NPEPPS: variants seen among roughly 807,000 people sequenced by gnomAD.
The protein encoded by NPEPPS is puromycin-sensitive aminopeptidase.
A neutral mutation model predicts 115.5 loss-of-function variants in NPEPPS; 14 were observed. The observed-to-expected ratio is 0.12, with a 90% CI of 0.08 to 0.19. NPEPPS has a LOEUF of 0.19. NPEPPS is among the 10% of genes least tolerant of loss of function. NPEPPS has a pLI of 1.00. For missense variants in NPEPPS, 523 were observed against 1,110.8 expected (o/e 0.47, Z 7.52); for synonymous variants, 285 against 390.6 (o/e 0.73, Z 3.19).
chr17:47,607,346 G>C (rs1244755455), intron 17 of NPEPPS, among the ~76,000 whole-genome samples: 1 of 152,182 alleles, frequency 6.6e-6, no homozygotes, highest in African/African-American at 2.4e-5. Flanking sequence ...AAGTGGTTGA[G>C]ACAGAGGAAA....
chr17:47,618,161 G>T (rs530547288), intron 19 of NPEPPS, among the ~76,000 whole-genome samples, 189 bp from the exon 20 acceptor site: 7 of 152,184 alleles, frequency 4.6e-5, no homozygotes, highest in Non-Finnish European at 8.8e-5. Context: ...GATTACAGGT[G>T]TGAACCACCG....
At chr17:47,594,141 A>G (rs1033483756) in intron 12 of NPEPPS, among the ~76,000 whole-genome samples, 2 of 152,112 alleles carry the variant, frequency 1.3e-5, no homozygotes, top group African/African-American at 2.4e-5. Context: ...GGCAACAGCG[A>G]AACGCGGTCT....
chr17:47,556,290 G>A (rs1289965224), intron 2 of NPEPPS, among the ~76,000 whole-genome samples: 1 of 151,146 alleles, frequency 6.6e-6, no homozygotes, highest in African/African-American at 2.4e-5. Context: ...GACTCTTAAC[G>A]AGCATGCTAC....
At chr17:47,535,456 CAGG>C (rs1445341919) in intron 1 of NPEPPS, among the ~76,000 whole-genome samples, 1 of 146,930 alleles carries the variant, frequency 6.8e-6, no homozygotes, top group Non-Finnish European at 1.5e-5. Context: ...GAGGCTGAGG[CAGG>C]AGAATGGTGT....
In NPEPPS at chr17:47,621,950, C is replaced by T. The variant is rs764761486; in HGVS notation, c.*30C>T. ...TGAGGTGCCGCCATTGGCGGTTCTG[C>T]TGCTTCGCTGCAGGGATAAGGTGGA... On this transcript the variant is annotated 3_prime_UTR_variant, in exon 23 of 23. Transcript: ENST00000322157. The T allele has an allele frequency of 1.3e-6, 2 of 1,582,608 alleles. No homozygotes were observed. The highest frequency in any genetic ancestry group is 2.3e-5 in the South Asian group (2 of 88,308).
intron 17 of NPEPPS, among the ~76,000 whole-genome samples, chr17:47,610,584 A>C (rs1290277434): frequency 6.6e-6 from 1 of 151,804 alleles, no homozygotes; most frequent in Admixed American, 6.6e-5. Flanking sequence ...GGGTTTCACC[A>C]TGTTGGCCAG....
upstream of NPEPPS, among the ~76,000 whole-genome samples, chr17:47,530,532 A>G (rs370506237): frequency 1.1e-4 from 16 of 149,834 alleles, no homozygotes; most frequent in South Asian, 1.1e-3. Context: ...AATTTTTTGT[A>G]CTTTTAGTAG....
At chr17:47,535,549 CAAA>C (rs1002859470) in intron 1 of NPEPPS, among the ~76,000 whole-genome samples, 18 of 88,916 alleles carry the variant, frequency 2.0e-4, no homozygotes, top group African/African-American at 4.0e-4. Flanking sequence ...GGCTCCGTCT[CAAA>C]AAAAAAAAAA....
Position 47,580,389 on chromosome 17 carries a change from G to A in NPEPPS, c.540+878G>A, listed in dbSNP as rs572599239. 6 of 152,246 alleles carry A rather than the reference G, an allele frequency of 3.9e-5. No homozygotes were observed. In the East Asian group the frequency reaches 1.2e-3, roughly 29 times the overall value. 9.4% of individuals were successfully genotyped at this position (152,246 alleles called of 1,614,324 possible). A position where few individuals can be genotyped will look rare whatever the true frequency, so the allele number is the denominator to read the frequency against. On this transcript the variant is annotated intron_variant, in intron 4 of 22. Coordinates refer to ENST00000322157, the MANE Select transcript of NPEPPS (RefSeq NM_006310.4). ...CTTCATCCTGGAATGGTTGGCTGATGTATGTCTCTAAACAATTTTTTTTTA... is the reference window on the plus strand; with the variant it reads ...CTTCATCCTGGAATGGTTGGCTGATATATGTCTCTAAACAATTTTTTTTTA...
At chr17:47,596,949 TAGGC>T (rs1467283524) in intron 13 of NPEPPS, among the ~76,000 whole-genome samples, 3 of 151,512 alleles carry the variant, frequency 2.0e-5, no homozygotes, top group Non-Finnish European at 4.4e-5. Flanking sequence ...TCTGGAGACT[TAGGC>T]AGGAGAATTG....
At chr17:47,608,838 G>C (rs1467209474) in intron 17 of NPEPPS, among the ~76,000 whole-genome samples, 1 of 152,216 alleles carries the variant, frequency 6.6e-6, no homozygotes, top group African/African-American at 2.4e-5. Context: ...GTGATCAGCT[G>C]TGTCAGATGC....
At chr17:47,613,778 C>G in intron 19 of NPEPPS, 53 bp downstream of exon 19, 1 of 1,286,108 alleles carries the variant, frequency 7.8e-7, no homozygotes, top group South Asian at 1.2e-5. Context: ...TGGATAGACA[C>G]ACAGTAAACC....
chr17:47,543,891 GTTTATTTATTTATTTA>G (rs149949702), intron 1 of NPEPPS, among the ~76,000 whole-genome samples: 1 of 141,058 alleles, frequency 7.1e-6, no homozygotes, highest in East Asian at 2.0e-4. Context: ...TTGTTTGTTT[GTTTATTTATTTATTTA>G]TTTTTGAGAC....
intron 1 of NPEPPS, among the ~76,000 whole-genome samples, chr17:47,536,514 C>T (rs2143671945): frequency 6.7e-6 from 1 of 149,802 alleles, no homozygotes. Flanking sequence ...CTGCCTTAGC[C>T]TCCCAAATAG....
chr17:47,565,394 A>G (rs924847527), intron 2 of NPEPPS, among the ~76,000 whole-genome samples: 27 of 151,062 alleles, frequency 1.8e-4, no homozygotes, highest in African/African-American at 5.8e-4. Context: ...CTGTAGTCCC[A>G]GCTACTCGGG....
chr17:47,532,301 G>T (rs943300093), intron 1 of NPEPPS, among the ~76,000 whole-genome samples: 10 of 152,012 alleles, frequency 6.6e-5, no homozygotes, highest in Non-Finnish European at 1.2e-4. Flanking sequence ...TCCTAGCTTT[G>T]CGGCCTTCGA....
Position 47,538,202 on chromosome 17 carries a change from C to CTTTTT in NPEPPS, c.255+6666_255+6670dup, listed in dbSNP as rs543559258. On this transcript the variant is annotated intron_variant, in intron 1 of 22. Coordinates refer to ENST00000322157, the MANE Select transcript of NPEPPS (RefSeq NM_006310.4). ...GCCACCGCGCCTAGCCATATCTGTTCTTTTTTTTTTTTTTTTTTTTTTTGA... is the reference window on the plus strand; with the variant it reads ...GCCACCGCGCCTAGCCATATCTGTTCTTTTTTTTTTTTTTTTTTTTTTTTTTTTGA... Among the ~76,000 whole-genome samples, 233 of 58,440 alleles carry CTTTTT rather than the reference C, an allele frequency of 4.0e-3. 9 individuals carry two copies. Among genetic ancestry groups the CTTTTT allele is most frequent in the East Asian group, 7.1e-3 (11 of 1,554 alleles). The allele number at this position is 58,440 out of a possible 152,430, so 38.3% of individuals were successfully genotyped here.
chr17:47,576,154 T>C, intron 3 of NPEPPS, among the ~76,000 whole-genome samples: 1 of 152,122 alleles, frequency 6.6e-6, no homozygotes, highest in Non-Finnish European at 1.5e-5. Context: ...ATTGGCACCA[T>C]TCTGGGATAG....
chr17:47,550,329 G>GTTT (rs1198481590), intron 2 of NPEPPS, among the ~76,000 whole-genome samples: 4 of 95,832 alleles, frequency 4.2e-5, no homozygotes, highest in South Asian at 3.5e-4. Flanking sequence ...GCATGTGTGT[G>GTTT]TTTTTTTTTT....
Sources: gnomAD v4.1 joint callset for allele counts (sites outside exome capture counted in the v4.1 genomes callset) on GRCh38, gnomAD v4.1.1 for gene constraint, MANE v1.5 for transcripts, NCBI Gene and HGNC (gene_info 2026-07-23, HGNC 2026-07-21) for gene names.